The following NDUFS2 variants were observed in gnomAD, a reference collection of about 807,000 sequenced individuals.
NDUFS2 encodes NADH:ubiquinone oxidoreductase core subunit S2.
In NDUFS2, 38 loss-of-function variants were observed where a neutral mutation model predicts 69.6. The ratio of observed to expected loss-of-function variants is 0.55; its 90% confidence interval spans 0.42 to 0.72. The LOEUF is 0.72. Among genes scored for constraint, NDUFS2 ranks in the 30% least tolerant of loss-of-function variants. The probability of loss-of-function intolerance (pLI) is 0.00; values close to 1 mark genes in which losing one functional copy is unlikely to be tolerated. For synonymous variants in NDUFS2, 194 were observed against 211.2 expected (o/e 0.92, Z 0.70); for missense variants, 468 against 595.0 (o/e 0.79, Z 2.22).
chr1:161,212,333 C>T lies in NDUFS2; in HGVS notation c.987-18C>T. 1 of 1,613,142 alleles carries T rather than the reference C, an allele frequency of 6.2e-7. No homozygotes were observed. Among genetic ancestry groups the T allele is most frequent in the Non-Finnish European group, 8.5e-7 (1 of 1,179,402 alleles). The stretch of plus-strand genomic sequence containing the variant: ...CTCCTCTGACTGTTCTTCTCTTGCT[C>T]TGTCTCATCTTCTTGAGGTACCTGT... On this transcript the variant is annotated intron_variant, in intron 9 of 13. Coordinates refer to ENST00000676972, the MANE Select transcript of NDUFS2 (RefSeq NM_001377299.1).
At chr1:161,214,064 C>T in intron 13 of NDUFS2, 92 bp from the exon 14 acceptor site, 1 of 1,613,548 alleles carries the variant, frequency 6.2e-7, no homozygotes, top group Non-Finnish European at 8.5e-7. Context: ...GTAATGGGTT[C>T]TGGATCTTGG....
Position 161,211,827 on chromosome 1 carries a change from G to C in NDUFS2, c.987-524G>C, listed in dbSNP as rs538673131. On this transcript the variant is annotated intron_variant, in intron 9 of 13. Coordinates refer to ENST00000676972, the MANE Select transcript of NDUFS2 (RefSeq NM_001377299.1). ...TCTCACCCATCCTGTGGTCCAAAAA[G>C]TGCTTAAGGAGGTAATTAAAGAAAT... Among the ~76,000 whole-genome samples the C allele has an allele frequency of 1.1e-4, 17 of 152,234 alleles. No individual in the cohort carries two copies. The South Asian group carries it at 3.3e-3, about 30-fold the overall frequency.
At chr1:161,198,135 G>A (rs774441932), upstream of NDUFS2, 3 of 1,614,076 alleles carry the variant, frequency 1.9e-6, no homozygotes, top group East Asian at 4.5e-5. This position sits in a 1 kb window ranked among gnomAD's most constrained non-coding sequence, Gnocchi z 4.7. Flanking sequence ...CCTCCCTCCA[G>A]GGGCTGGAGG....
In NDUFS2 at chr1:161,206,390, T is replaced by C. The variant is rs761443459; in HGVS notation, c.203-17T>C. ...AGGGAATAACCATGTGGCTCTGAACTATTTCTTACTTCTCAGATGTGGACC... is the reference window on the plus strand; with the variant it reads ...AGGGAATAACCATGTGGCTCTGAACCATTTCTTACTTCTCAGATGTGGACC... On this transcript the variant is annotated splice_polypyrimidine_tract_variant and intron_variant, in intron 2 of 13. Coordinates refer to ENST00000676972, the MANE Select transcript of NDUFS2 (RefSeq NM_001377299.1). The C allele has an allele frequency of 1.2e-6, 2 of 1,613,962 alleles. No homozygotes were observed. Among genetic ancestry groups the C allele is most frequent in the Admixed American group, 1.7e-5 (1 of 60,024 alleles).
Position 161,202,379 on chromosome 1 carries a change from G to C in NDUFS2, c.-7G>C, listed in dbSNP as rs746484486. The C allele has an allele frequency of 6.2e-7, 1 of 1,610,038 alleles. No individual in the cohort carries two copies. The highest frequency in any genetic ancestry group is 8.5e-7 in the Non-Finnish European group (1 of 1,178,626). On this transcript the variant is annotated 5_prime_UTR_variant, in exon 1 of 14. Coordinates refer to ENST00000676972, the MANE Select transcript of NDUFS2 (RefSeq NM_001377299.1). ...TTCTCCTTCCCGCAGTCTGCAGCCG[G>C]AGTAAGATGGCGGCGCTGAGGGCTT...
At chr1:161,202,939 A>G (rs542246753) in intron 1 of NDUFS2, among the ~76,000 whole-genome samples, 75 of 152,280 alleles carry the variant, frequency 4.9e-4, no homozygotes, top group African/African-American at 1.8e-3. Context: ...TGTTAGTAGG[A>G]ATGGAACCTC....
intron 8 of NDUFS2, 31 bp downstream of exon 8, chr1:161,210,420 G>A (rs1185422850): frequency 6.2e-7 from 1 of 1,607,382 alleles, no homozygotes; most frequent in Admixed American, 1.7e-5. Flanking sequence ...CTCCGTAGGA[G>A]TGGGGGTGGG....
chr1:161,198,285 C>A (rs1452430613), upstream of NDUFS2: 1 of 1,613,790 alleles, frequency 6.2e-7, no homozygotes, highest in East Asian at 2.2e-5. The surrounding 1 kb of genome is among the most constrained non-coding windows in gnomAD (Gnocchi z 4.7). Flanking sequence ...AGCTCAGGCG[C>A]CTGGCCCAGG....
intron 1 of NDUFS2, among the ~76,000 whole-genome samples, chr1:161,202,709 A>C (rs1665210484): frequency 6.6e-6 from 1 of 152,156 alleles, no homozygotes; most frequent in Non-Finnish European, 1.5e-5. Flanking sequence ...TCTGCTTTTT[A>C]GCTTCAGTAA....
chr1:161,199,417 G>T (rs189165754), upstream of NDUFS2: 2 of 152,444 alleles, frequency 1.3e-5, no homozygotes, highest in East Asian at 3.9e-4. Flanking sequence ...ACCTACCATG[G>T]CTTCTCTTTT....
rs572116172 is a variant in NDUFS2 at position 161,212,050 on chromosome 1, C to CA, written c.987-295dup. Among the ~76,000 whole-genome samples the CA allele has an allele frequency of 2.0e-4, 31 of 151,482 alleles. No homozygotes were observed. In the East Asian group the frequency reaches 5.3e-3, roughly 26 times the overall value. On this transcript the variant is annotated intron_variant, in intron 9 of 13. Coordinates refer to ENST00000676972, the MANE Select transcript of NDUFS2 (RefSeq NM_001377299.1). ...GCAGCAAAGTGAAACCTCGTCTCTACAAAAAATATTCGGATGTGGTGGTGC... is the reference window on the plus strand; with the variant it reads ...GCAGCAAAGTGAAACCTCGTCTCTACAAAAAAATATTCGGATGTGGTGGTGC...
At chr1:161,205,681 T>C (rs1299176451) in intron 2 of NDUFS2, among the ~76,000 whole-genome samples, 1 of 151,862 alleles carries the variant, frequency 6.6e-6, no homozygotes, top group African/African-American at 2.4e-5. Context: ...CACAGGAGAA[T>C]TGCTTGAACC....
upstream of NDUFS2, among the ~76,000 whole-genome samples, chr1:161,199,818 G>C (rs527271987): frequency 2.6e-5 from 4 of 151,002 alleles, no homozygotes; most frequent in East Asian, 7.8e-4. Flanking sequence ...CCCTTCCTGA[G>C]TTACCACTAC....
At chr1:161,201,522 A>T (rs1000247065), upstream of NDUFS2, among the ~76,000 whole-genome samples, 1 of 152,262 alleles carries the variant, frequency 6.6e-6, no homozygotes, top group Non-Finnish European at 1.5e-5. Flanking sequence ...AATTGTGATC[A>T]GACTCCTGGT....
chr1:161,209,349 A>G, intron 4 of NDUFS2, 36 bp downstream of exon 4: 1 of 1,613,558 alleles, frequency 6.2e-7, no homozygotes, highest in Non-Finnish European at 8.5e-7. Flanking sequence ...GCCCACTGTG[A>G]GCATAGCATA....
chr1:161,214,202 G>A lies in NDUFS2; in HGVS notation c.*9G>A. 6.2e-7 allele frequency: 1 copy of A among 1,611,670 alleles called. No homozygotes were observed. Among genetic ancestry groups the A allele is most frequent in the Non-Finnish European group, 8.5e-7 (1 of 1,177,930 alleles). On this transcript the variant is annotated 3_prime_UTR_variant, in exon 14 of 14. Coordinates refer to ENST00000676972, the MANE Select transcript of NDUFS2 (RefSeq NM_001377299.1). ...GAGAAGTAGATCGGTGAGCAGGGGA[G>A]CAGCGTTTGATCCCCCCTGCCTATC...
chr1:161,203,399 T>TC, intron 1 of NDUFS2, 38 bp from the exon 2 acceptor site: 2 of 1,555,162 alleles, frequency 1.3e-6, no homozygotes, highest in Non-Finnish European at 1.8e-6. Flanking sequence ...CAAACACTGT[T>TC]CAGGCCCTTT....
intron 10 of NDUFS2, chr1:161,212,698 T>A: frequency 2.2e-6 from 1 of 451,556 alleles, no homozygotes. Flanking sequence ...TAGCTGAGAT[T>A]ACAGGCGTGT....
chr1:161,205,847 CTGG>C (rs1665432589), intron 2 of NDUFS2, among the ~76,000 whole-genome samples: 2 of 151,824 alleles, frequency 1.3e-5, no homozygotes, highest in South Asian at 4.2e-4. Context: ...CATTTCCTGA[CTGG>C]TTGGCCATTC....
Sources: allele counts gnomAD v4.1 joint callset (sites outside exome capture counted in the v4.1 genomes callset), GRCh38; gene constraint gnomAD v4.1.1; non-coding constraint Gnocchi (gnomAD v3.1); transcripts MANE v1.5; gene names NCBI Gene and HGNC (gene_info 2026-07-23, HGNC 2026-07-21).